The following FOXP2 variants were observed in gnomAD, a reference collection of about 807,000 sequenced individuals.
The protein encoded by FOXP2 is forkhead box protein P2.
In FOXP2, 12 loss-of-function variants were observed where a neutral mutation model predicts 115.8. The ratio of observed to expected loss-of-function variants is 0.10; its 90% CI spans 0.07 to 0.17. FOXP2 has a LOEUF of 0.17. FOXP2 is among the 10% of genes least tolerant of loss of function. FOXP2 has a pLI of 1.00. For missense variants in FOXP2, 629 were observed against 843.5 expected (o/e 0.75, Z 3.15); for synonymous variants, 328 against 297.7 (o/e 1.10, Z -1.05).
chr7:114,334,937 A>ATATATATATATTTTATATATATAGAAATC (rs1562875858), intron 2 of FOXP2, among the ~76,000 whole-genome samples: 185 of 142,048 alleles, frequency 1.3e-3, no homozygotes, highest in African/African-American at 4.7e-3. Flanking sequence ...AAATCTATAT[A>ATATATATATATTTTATATATATAGAAATC]TATATATATA....
intron 16 of FOXP2, among the ~76,000 whole-genome samples, chr7:114,671,572 A>C (rs1051627914): frequency 2.6e-5 from 4 of 152,214 alleles, no homozygotes; most frequent in African/African-American, 4.8e-5. Context: ...CACTAACACT[A>C]GTTGAGCCTT....
At chr7:114,220,930 G>T (rs1794604611) in intron 1 of FOXP2, among the ~76,000 whole-genome samples, 1 of 152,064 alleles carries the variant, frequency 6.6e-6, no homozygotes, top group South Asian at 2.1e-4. Context: ...CATTTAAGAG[G>T]TATTGTTTGA....
chr7:114,238,934 T>TAA (rs1287470482), intron 1 of FOXP2, among the ~76,000 whole-genome samples: 3 of 148,994 alleles, frequency 2.0e-5, no homozygotes, highest in African/African-American at 7.3e-5. Flanking sequence ...ATATTATATA[T>TAA]AATACAAACA....
At chr7:114,257,931 A>G (rs918493071) in intron 1 of FOXP2, among the ~76,000 whole-genome samples, 2 of 152,214 alleles carry the variant, frequency 1.3e-5, no homozygotes, top group Admixed American at 6.5e-5. Context: ...GAGGAATAGT[A>G]GGAAATGAAG....
At chr7:114,411,658 C>T (rs902188877), upstream of FOXP2, among the ~76,000 whole-genome samples, 1 of 152,080 alleles carries the variant, frequency 6.6e-6, no homozygotes, top group Non-Finnish European at 1.5e-5. Context: ...TTTGATAGCA[C>T]TGGGCATTTT....
At chr7:114,461,378 A>G (rs1289536563) in intron 2 of FOXP2, among the ~76,000 whole-genome samples, 1 of 152,044 alleles carries the variant, frequency 6.6e-6, no homozygotes, top group Non-Finnish European at 1.5e-5. Flanking sequence ...TGTATGGGTC[A>G]TTACTTAACC....
intron 3 of FOXP2, among the ~76,000 whole-genome samples, chr7:114,610,788 C>T (rs1803583000): frequency 6.6e-6 from 1 of 151,706 alleles, no homozygotes; most frequent in Admixed American, 6.6e-5. Context: ...ACATATGCCA[C>T]CATGTCTGAC....
intron 1 of FOXP2, among the ~76,000 whole-genome samples, chr7:114,089,835 T>G (rs988319924): frequency 1.3e-5 from 2 of 151,946 alleles, no homozygotes; most frequent in African/African-American, 4.8e-5. Context: ...ACAAGTCTCT[T>G]TGCATAGATA....
chr7:114,450,474 T>C (rs1002583213), intron 2 of FOXP2, among the ~76,000 whole-genome samples: 1 of 152,122 alleles, frequency 6.6e-6, no homozygotes, highest in Non-Finnish European at 1.5e-5. Flanking sequence ...AATATGAGTA[T>C]ATAATTTCTT....
intron 2 of FOXP2, among the ~76,000 whole-genome samples, chr7:114,514,823 C>T (rs1017897514): frequency 2.0e-5 from 3 of 151,642 alleles, no homozygotes; most frequent in Admixed American, 2.0e-4. Flanking sequence ...CCCATTAACT[C>T]ATCATTTAGC....
intron 2 of FOXP2, among the ~76,000 whole-genome samples, chr7:114,346,247 A>G (rs773412754): frequency 1.3e-5 from 2 of 151,816 alleles, no homozygotes; most frequent in Non-Finnish European, 2.9e-5. Context: ...GTTATTTTGT[A>G]TATAGTCAAA....
In FOXP2 at chr7:114,415,078, C is replaced by T. The variant is rs773664240; in HGVS notation, c.-293C>T. 5.7e-5 allele frequency: 26 copies of T among 454,184 alleles called. No homozygotes were observed. The highest frequency in any genetic ancestry group is 1.4e-3 in the Middle Eastern group (2 of 1,436). 28.1% of individuals were successfully genotyped at this position (454,184 alleles called of 1,614,324 possible). On this transcript the variant is annotated 5_prime_UTR_variant, in exon 1 of 17. It adds an upstream start codon to the 5' untranslated region. Transcript: ENST00000350908. ...TGCTGATTTTGTGTACGATTGTCCACGGACGCCAAAACAATCACAGAGCTG... is the reference window on the plus strand; with the variant it reads ...TGCTGATTTTGTGTACGATTGTCCATGGACGCCAAAACAATCACAGAGCTG...
At chr7:114,325,458 G>A (rs757697289) in intron 2 of FOXP2, among the ~76,000 whole-genome samples, 1 of 151,798 alleles carries the variant, frequency 6.6e-6, no homozygotes, top group East Asian at 1.9e-4. Flanking sequence ...TCAGAACATG[G>A]TGGGATATAT....
intron 3 of FOXP2, chr7:114,570,775 A>G (rs768667158): frequency 2.7e-4 from 428 of 1,566,088 alleles, no homozygotes; most frequent in Non-Finnish European, 3.6e-4. Flanking sequence ...TTGAAAAAAA[A>G]GCCAACTCCT....
chr7:114,328,489 G>T (rs776323939), intron 2 of FOXP2, among the ~76,000 whole-genome samples: 3 of 151,992 alleles, frequency 2.0e-5, no homozygotes, highest in Non-Finnish European at 4.4e-5. Flanking sequence ...GCCTGCCTCG[G>T]CCTCCCAGAG....
chr7:114,313,744 C>CAAA (rs767886427), intron 2 of FOXP2, among the ~76,000 whole-genome samples: 10 of 18,948 alleles, frequency 5.3e-4, no homozygotes, highest in East Asian at 1.3e-3. Context: ...GACTCCGTCT[C>CAAA]AAAAAAAAAA....
At chr7:114,261,135 C>T (rs1210760219) in intron 1 of FOXP2, among the ~76,000 whole-genome samples, 1 of 152,028 alleles carries the variant, frequency 6.6e-6, no homozygotes, top group Non-Finnish European at 1.5e-5. Context: ...GATGTACTTT[C>T]AATAAAAAGG....
At chr7:114,303,630 G>T (rs1029062543) in intron 2 of FOXP2, among the ~76,000 whole-genome samples, 1 of 151,934 alleles carries the variant, frequency 6.6e-6, no homozygotes, top group Admixed American at 6.6e-5. Flanking sequence ...TTCTTAATCT[G>T]CTCACCATTT....
intron 1 of FOXP2, among the ~76,000 whole-genome samples, chr7:114,150,624 C>A (rs895782320): frequency 6.6e-6 from 1 of 151,864 alleles, no homozygotes; most frequent in Admixed American, 6.6e-5. Flanking sequence ...TCACAAATGA[C>A]AAATTTTTAA....
Sources: allele counts gnomAD v4.1 joint callset (sites outside exome capture counted in the v4.1 genomes callset), GRCh38; gene constraint gnomAD v4.1.1; transcripts MANE v1.5; gene names NCBI Gene and HGNC (gene_info 2026-07-23, HGNC 2026-07-21).